Variants in GLYATL1 observed in about 807,000 individuals in gnomAD.
GLYATL1 encodes glycine N-acyltransferase-like protein 1.
A neutral mutation model predicts 20.0 loss-of-function variants in GLYATL1; 15 were observed. The observed-to-expected ratio is 0.75, with a 90% CI of 0.50 to 1.15. The LOEUF (loss-of-function observed/expected upper bound fraction) is 1.15, where lower values mean the gene tolerates loss of function less well. Ranked by LOEUF, GLYATL1 falls within the 50% of genes most tolerant of loss-of-function variation. The probability of loss-of-function intolerance (pLI) is 0.00; values close to 1 mark genes in which losing one functional copy is unlikely to be tolerated. For synonymous variants in GLYATL1, 151 were observed against 131.5 expected (o/e 1.15, Z -1.01); for missense variants, 380 against 368.5 (o/e 1.03, Z -0.26).
chr11:58,926,689 G>A (rs922029614), upstream of GLYATL1, among the ~76,000 whole-genome samples: 1 of 152,146 alleles, frequency 6.6e-6, no homozygotes, highest in Admixed American at 6.5e-5. Flanking sequence ...ATGATATCGA[G>A]TCATAACTTA....
At chr11:58,911,782 C>A (rs1251675442), downstream of GLYATL1, among the ~76,000 whole-genome samples, 1 of 152,076 alleles carries the variant, frequency 6.6e-6, no homozygotes, top group Non-Finnish European at 1.5e-5. Flanking sequence ...TCTTTTCATC[C>A]TCTTGGTTCT....
intron 1 of GLYATL1, among the ~76,000 whole-genome samples, chr11:58,916,437 A>G (rs1203818442): frequency 6.6e-6 from 1 of 152,130 alleles, no homozygotes; most frequent in Non-Finnish European, 1.5e-5. Context: ...TACATATATT[A>G]TCTCACTTAC....
upstream of GLYATL1, among the ~76,000 whole-genome samples, chr11:58,939,039 G>T (rs1839740628): frequency 6.6e-6 from 1 of 151,016 alleles, no homozygotes; most frequent in Middle Eastern, 3.5e-3. Context: ...GTCCCATAGA[G>T]AATTTTTTTT....
intron 1 of GLYATL1, chr11:58,907,132 C>T (rs982764778): frequency 5.2e-5 from 19 of 367,762 alleles, no homozygotes; most frequent in Admixed American, 4.7e-4. Flanking sequence ...CTTTCCTGGC[C>T]TTGGAAAGTT....
intron 3 of GLYATL1, 35 bp from the exon 4 acceptor site, chr11:58,947,823 T>G: frequency 7.0e-7 from 1 of 1,431,340 alleles, no homozygotes; most frequent in Admixed American, 1.7e-5. Flanking sequence ...TCTGGGGATC[T>G]CAACCTCTCC....
rs76536990 is a variant in GLYATL1, at chr11:58,955,429, A to G, written c.491+76A>G. 2.2e-3 allele frequency: 3,148 copies of G among 1,448,100 alleles called. 56 individuals carry two copies. In the African/African-American group the frequency reaches 0.037, roughly 17 times the overall value. The allele number at this position is 1,448,100 out of a possible 1,614,324, so 89.7% of individuals were successfully genotyped here. ...TGTAATTCACATAAATCAGTTTTGG[A>G]ATGAAGAGAGGATGAATTCATTCCT... On this transcript the variant is annotated intron_variant, in intron 6 of 6. Coordinates refer to ENST00000532726, the MANE Select transcript of GLYATL1 (RefSeq NM_001389712.2).
chr11:58,935,170 G>A (rs1215406452), upstream of GLYATL1: 1 of 152,574 alleles, frequency 6.6e-6, no homozygotes, highest in Non-Finnish European at 1.5e-5. Flanking sequence ...GGGTAGACCT[G>A]GCATGAGGAT....
intron 1 of GLYATL1, among the ~76,000 whole-genome samples, chr11:58,941,389 C>T (rs532966016): frequency 3.6e-4 from 54 of 152,102 alleles, no homozygotes; most frequent in Admixed American, 3.3e-3. Flanking sequence ...TTTATGGCTG[C>T]ATAGTATTCC....
intron 2 of GLYATL1, among the ~76,000 whole-genome samples, chr11:58,946,310 T>C (rs1856566014): frequency 6.6e-6 from 1 of 152,196 alleles, no homozygotes; most frequent in African/African-American, 2.4e-5. Flanking sequence ...AGTTCCAAAG[T>C]TGTGAGAAAA....
intron 1 of GLYATL1, among the ~76,000 whole-genome samples, chr11:58,913,871 GGTGCTTGTTGACTGACCAGTAGGTCTA>G (rs1263029043): frequency 6.6e-6 from 1 of 152,064 alleles, no homozygotes; most frequent in Non-Finnish European, 1.5e-5. Flanking sequence ...GAGGTGGGAG[GGTGCTTGTTGACTGACCAGTAGGTCTA>G]GTGCTTGTTG....
At chr11:58,950,776 T>A (rs1016610366) in intron 4 of GLYATL1, among the ~76,000 whole-genome samples, 1 of 152,166 alleles carries the variant, frequency 6.6e-6, no homozygotes, top group African/African-American at 2.4e-5. Context: ...AAAAATGGCA[T>A]CTTATTGTGG....
downstream of GLYATL1, among the ~76,000 whole-genome samples, chr11:58,911,192 G>A (rs1337996899): frequency 6.6e-6 from 1 of 152,112 alleles, no homozygotes; most frequent in Non-Finnish European, 1.5e-5. Flanking sequence ...ATTCCACTGT[G>A]TGAATGTATC....
Position 58,955,685 on chromosome 11 carries a change from G to A in GLYATL1, c.567G>A (p.Gly189=). The change falls in exon 7 of 7, where the codon GGG becomes GGA. Residue 189 remains glycine (G), a synonymous_variant. Transcript: ENST00000532726. ...SGLVNDNWKR[G]KNERSLHYIK... ...TGGTAAATGACAACTGGAAGCGAGG[G>A]AAGAATGAGAGGAGCCTGCATTACA... 6.2e-7 allele frequency: 1 copy of A among 1,614,162 alleles called. No individual in the cohort carries two copies. Among genetic ancestry groups the A allele is most frequent in the Non-Finnish European group, 8.5e-7 (1 of 1,180,024 alleles).
At chr11:58,907,376 T>C (rs1383999404) in exon 2 of GLYATL1, 4 of 456,216 alleles carry the variant, frequency 8.8e-6, no homozygotes, top group Non-Finnish European at 1.8e-5. Flanking sequence ...CTCACGGTAG[T>C]CTGCTGGAGT....
chr11:58,937,360 A>G (rs1855881273), upstream of GLYATL1, among the ~76,000 whole-genome samples: 1 of 152,208 alleles, frequency 6.6e-6, no homozygotes. Context: ...TTGCTGGGGA[A>G]CCACAGGTCC....
chr11:58,925,459 A>G (rs1855405417), upstream of GLYATL1, among the ~76,000 whole-genome samples: 1 of 152,176 alleles, frequency 6.6e-6, no homozygotes, highest in South Asian at 2.1e-4. Flanking sequence ...CTAAGGGTGC[A>G]TTCTTATATT....
intron 1 of GLYATL1, among the ~76,000 whole-genome samples, chr11:58,942,851 G>T (rs524526): frequency 0.045 from 6,891 of 152,172 alleles, 355 homozygotes; most frequent in African/African-American, 0.12. Context: ...GGTCCACAGA[G>T]GAGACTGAGA....
At chr11:58,911,735 T>G (rs1388509113), downstream of GLYATL1, among the ~76,000 whole-genome samples, 1 of 152,226 alleles carries the variant, frequency 6.6e-6, no homozygotes, top group African/African-American at 2.4e-5. Flanking sequence ...CTCATAATAT[T>G]TGTGATATTT....
chr11:58,955,234 A>G lies in GLYATL1; in HGVS notation c.372A>G (p.Lys124=), dbSNP rs765842454. The change falls in exon 6 of 7, where the codon AAA becomes AAG. Residue 124 remains lysine (K), a synonymous_variant. Transcript: ENST00000532726. ...IRVATFSKSV[K]VEHSRALLLV... is the part of the protein sequence containing the mutation. ...TGGCTACATTTTCAAAGTCAGTGAA[A>G]GTAGAGCATTCGAGAGCACTCCTCT... 7 of 1,614,176 alleles carry G rather than the reference A, an allele frequency of 4.3e-6. No individual in the cohort carries two copies. The highest frequency in any genetic ancestry group is 5.9e-6 in the Non-Finnish European group (7 of 1,179,998).
Sources: allele counts gnomAD v4.1 joint callset (sites outside exome capture counted in the v4.1 genomes callset), GRCh38; gene constraint gnomAD v4.1.1; transcripts MANE v1.5; gene names NCBI Gene and HGNC (gene_info 2026-07-23, HGNC 2026-07-21).